The following LRCH1 variants were observed in gnomAD, a reference collection of about 807,000 sequenced individuals.
The protein encoded by LRCH1 is leucine-rich repeat and calponin homology domain-containing protein 1.
LRCH1 carries 23 observed loss-of-function variants against 94.9 expected under a neutral mutation model. That is an observed-to-expected ratio of 0.24 (90% CI 0.17 to 0.34). The LOEUF (loss-of-function observed/expected upper bound fraction) is 0.34. Ranked by LOEUF, LRCH1 falls within the 10% of genes least tolerant of loss-of-function variation. The pLI is 1.00. For synonymous variants in LRCH1, 364 were observed against 354.9 expected, an observed-to-expected ratio of 1.03 and a Z score of -0.29; for missense variants, 790 against 945.9, an observed-to-expected ratio of 0.84 and a Z score of 2.16.
chr13:46,752,054 T>C (rs1874163666), exon 19 of LRCH1: 1 of 152,584 alleles, frequency 6.6e-6, no homozygotes. Context: ...TAAGTGGAGT[T>C]TGTGAGGCTG....
rs1229142000 is a variant in LRCH1, at chr13:46,743,793, G to GT, written c.*1946dup. The GT allele has an allele frequency of 1.0e-6, 1 of 983,868 alleles. No homozygotes were observed. The highest frequency in any genetic ancestry group is 1.2e-6 in the Non-Finnish European group (1 of 828,754). The allele number at this position is 983,868 out of a possible 1,614,324, so 60.9% of individuals were successfully genotyped here. On this transcript the variant is annotated 3_prime_UTR_variant, in exon 20 of 20. Transcript: ENST00000389797. The stretch of plus-strand genomic sequence containing the variant: ...TTAAAATAATATCAATAAAAACTGA[G>GT]TAGGACACTCATGTAAGAGTAGATT...
At chr13:46,563,890 C>T (rs1254932926) in intron 1 of LRCH1, among the ~76,000 whole-genome samples, 1 of 152,044 alleles carries the variant, frequency 6.6e-6, no homozygotes, top group African/African-American at 2.4e-5. Flanking sequence ...CCCAGGCTCA[C>T]ATCAAAGGGT....
At chr13:46,703,153 C>T (rs370510238) in intron 11 of LRCH1, among the ~76,000 whole-genome samples, 9 of 152,118 alleles carry the variant, frequency 5.9e-5, no homozygotes, top group African/African-American at 2.2e-4. Context: ...TGTGTGTTTA[C>T]GTGTATCCAT....
chr13:46,636,052 T>C (rs545858882), intron 1 of LRCH1, among the ~76,000 whole-genome samples: 45 of 145,902 alleles, frequency 3.1e-4, no homozygotes, highest in Admixed American at 1.5e-3. Context: ...CAACTTACCA[T>C]GTCAACCTTT....
chr13:46,692,718 T>G (rs1870967186), intron 8 of LRCH1, 77 bp downstream of exon 8: 2 of 1,041,796 alleles, frequency 1.9e-6, no homozygotes, highest in Non-Finnish European at 2.9e-6. Context: ...TGTGCACAGA[T>G]AGGGCAGTGA....
At chr13:46,744,920 T>C (rs1032628352), downstream of LRCH1, 44 of 983,212 alleles carry the variant, frequency 4.5e-5, no homozygotes, top group Non-Finnish European at 5.3e-5. Flanking sequence ...TTTTTTCTTC[T>C]TTAAGATGGT....
rs1238132199 is a variant in LRCH1 at position 46,743,500 on chromosome 13, G to A, written c.*1652G>A. On this transcript the variant is annotated 3_prime_UTR_variant, in exon 20 of 20. Coordinates refer to ENST00000389797, the MANE Select transcript of LRCH1 (RefSeq NM_001164211.2). ...ACTGAATTACTTTTGGTGCTATCTT[G>A]TACTCTTCAATCTGTAACACAATAA... The A allele has an allele frequency of 4.1e-6, 4 of 985,658 alleles. No individual in the cohort carries two copies. Among genetic ancestry groups the A allele is most frequent in the Non-Finnish European group, 4.8e-6 (4 of 829,916 alleles). The allele number at this position is 985,658 out of a possible 1,614,324, so 61.1% of individuals were successfully genotyped here.
intron 1 of LRCH1, among the ~76,000 whole-genome samples, chr13:46,566,512 T>C (rs1043210218): frequency 5.3e-5 from 8 of 152,210 alleles, no homozygotes; most frequent in Non-Finnish European, 7.3e-5. Flanking sequence ...CTTTCAGTTC[T>C]CAGAACACCC....
chr13:46,615,793 G>T (rs912434), intron 1 of LRCH1, among the ~76,000 whole-genome samples: 127,320 of 152,184 alleles, frequency 0.84, 53,803 homozygotes, highest in African/African-American at 0.95. Flanking sequence ...AGCTATGATA[G>T]TCTGTGTGGA....
intron 1 of LRCH1, among the ~76,000 whole-genome samples, chr13:46,620,005 T>TA (rs2050862509): frequency 6.6e-6 from 1 of 152,256 alleles, no homozygotes; most frequent in African/African-American, 2.4e-5. Context: ...GGTTCGGCAC[T>TA]AATTTAAATT....
rs778089044 is a variant in LRCH1 at position 46,728,947 on chromosome 13, G to A, written c.1970G>A (p.Arg657Gln). Residue 657 changes from arginine (R) to glutamine (Q), a missense_variant, in exon 18 of 20, where the codon CGG (arginine) becomes CAG (glutamine). Physicochemically the swap from Arg to Gln is conservative, Grantham distance 43. This residue lies in a region of LRCH1 where 460 missense variants were observed against 508.9 expected (regional missense o/e 0.90). Transcript: ENST00000389797. Reference protein sequence around the residue: ...LCHLVNHIRPRSVASIHVPSP... With the variant: ...LCHLVNHIRPQSVASIHVPSP... ...CATCTGGTCAACCACATCCGCCCAC[G>A]GTCGGTTGCAAGCATCCATGTCCCA... 3.1e-6 allele frequency: 5 copies of A among 1,613,442 alleles called. No individual in the cohort carries two copies. The highest frequency in any genetic ancestry group is 2.2e-5 in the East Asian group (1 of 44,856).
At chr13:46,642,191 C>T (rs1437384347) in intron 1 of LRCH1, among the ~76,000 whole-genome samples, 2 of 152,188 alleles carry the variant, frequency 1.3e-5, no homozygotes, top group Non-Finnish European at 2.9e-5. Flanking sequence ...ACTTTTAGTA[C>T]AGAGCTATAG....
At chr13:46,728,748 T>G in intron 17 of LRCH1, 99 bp from the exon 18 acceptor site, 16 of 1,126,844 alleles carry the variant, frequency 1.4e-5, no homozygotes, top group Non-Finnish European at 1.8e-5. Context: ...TTTCCTATGA[T>G]GAAATTAGTG....
At chr13:46,610,042 C>T (rs755902986) in intron 1 of LRCH1, among the ~76,000 whole-genome samples, 2 of 152,046 alleles carry the variant, frequency 1.3e-5, no homozygotes, top group African/African-American at 4.8e-5. Context: ...TTGTCATGGC[C>T]GGCAGTTGGG....
At chr13:46,622,045 T>C (rs535582448) in intron 1 of LRCH1, among the ~76,000 whole-genome samples, 4 of 152,196 alleles carry the variant, frequency 2.6e-5, no homozygotes, top group Non-Finnish European at 4.4e-5. Flanking sequence ...ATAGAAATGT[T>C]TATGTAAGAT....
At chr13:46,682,181 T>G (rs1870353014) in intron 4 of LRCH1, among the ~76,000 whole-genome samples, 1 of 151,970 alleles carries the variant, frequency 6.6e-6, no homozygotes. Flanking sequence ...CTTCTCACAA[T>G]TTTGGAGGCT....
intron 1 of LRCH1, among the ~76,000 whole-genome samples, chr13:46,601,539 C>T (rs914794835): frequency 2.6e-5 from 4 of 152,162 alleles, no homozygotes; most frequent in African/African-American, 7.2e-5. Context: ...TGACTGGTCC[C>T]TTGAGGTTAG....
chr13:46,639,501 A>G (rs1244530767), intron 1 of LRCH1, among the ~76,000 whole-genome samples: 2 of 152,200 alleles, frequency 1.3e-5, no homozygotes, highest in Admixed American at 1.3e-4. Context: ...TTAGTCAGGC[A>G]ATAAGGTATT....
chr13:46,647,783 T>A (rs2138074264), intron 1 of LRCH1, among the ~76,000 whole-genome samples: 1 of 142,748 alleles, frequency 7.0e-6, no homozygotes, highest in South Asian at 2.3e-4. Context: ...AGGTGCGAGA[T>A]AGGTAGTCAT....
Sources: allele counts gnomAD v4.1 joint callset (sites outside exome capture counted in the v4.1 genomes callset), GRCh38; gene constraint gnomAD v4.1.1; regional missense constraint gnomAD v4.1.1; transcripts MANE v1.5; gene names NCBI Gene and HGNC (gene_info 2026-07-23, HGNC 2026-07-21).